KCNMA1: variants seen among roughly 807,000 people sequenced by gnomAD.
KCNMA1 encodes the protein Calcium-activated potassium channel subunit alpha-1.
KCNMA1 carries 29 observed loss-of-function variants against 140.0 expected under a neutral mutation model. The ratio of observed to expected loss-of-function variants is 0.21; its 90% CI spans 0.15 to 0.28. The LOEUF is 0.28. Among genes scored for constraint, KCNMA1 ranks in the 10% least tolerant of loss-of-function variants. The pLI, the probability that KCNMA1 is intolerant of heterozygous loss-of-function variation, is 1.00. For synonymous variants in KCNMA1, 612 were observed against 611.9 expected, an observed-to-expected ratio of 1.00 and a Z score of 0.00; for missense variants, 880 against 1,602.2, an observed-to-expected ratio of 0.55 and a Z score of 7.70.
At chr10:77,000,405 T>C (rs1455474500) in intron 19 of KCNMA1, among the ~76,000 whole-genome samples, 1 of 152,190 alleles carries the variant, frequency 6.6e-6, no homozygotes, top group Non-Finnish European at 1.5e-5. Flanking sequence ...ACTTCACTTA[T>C]GAACCGTATC....
chr10:77,566,962 GGAA>G (rs2068559350), intron 1 of KCNMA1, among the ~76,000 whole-genome samples: 2 of 151,940 alleles, frequency 1.3e-5, no homozygotes, highest in South Asian at 2.1e-4. Context: ...AGAAAAGGAG[GGAA>G]GAAGTTTTTG....
chr10:76,989,273 G>A (rs1359610845), intron 19 of KCNMA1, among the ~76,000 whole-genome samples: 2 of 152,158 alleles, frequency 1.3e-5, no homozygotes, highest in Admixed American at 1.3e-4. Context: ...CTCTTTCGGT[G>A]TGTCCCTGTG....
intron 1 of KCNMA1, among the ~76,000 whole-genome samples, chr10:77,594,295 C>T (rs1488369795): frequency 6.6e-6 from 1 of 152,180 alleles, no homozygotes; most frequent in Non-Finnish European, 1.5e-5. Flanking sequence ...AACTTCCTTT[C>T]TTGCCACACT....
chr10:77,487,542 C>G (rs563407142), intron 1 of KCNMA1, among the ~76,000 whole-genome samples: 1 of 152,216 alleles, frequency 6.6e-6, no homozygotes, highest in Non-Finnish European at 1.5e-5. Context: ...CTTACCACAC[C>G]CCCATTGCAC....
At chr10:77,012,393 C>G (rs1483395458) in intron 17 of KCNMA1, 1 of 1,534,348 alleles carries the variant, frequency 6.5e-7, no homozygotes, top group African/African-American at 1.4e-5. Flanking sequence ...GAGCCCTGGG[C>G]CCTTGGTGGG....
chr10:77,006,602 G>A (rs2088764461), intron 18 of KCNMA1, among the ~76,000 whole-genome samples: 1 of 152,198 alleles, frequency 6.6e-6, no homozygotes, highest in Non-Finnish European at 1.5e-5. Context: ...GGTCTTCCAG[G>A]TGGTTTTCCA....
rs376809211 is a variant in KCNMA1 at position 77,528,608 on chromosome 10, CA to C, written c.378+108656del. The stretch of plus-strand genomic sequence containing the variant: ...TGGGTGACAGAGTGAGAGCCCATCT[CA>C]AAAAAAAAAAAAAAGAAAAGAAAAG... On this transcript the variant is annotated intron_variant, in intron 1 of 27. Transcript: ENST00000286628. Among the ~76,000 whole-genome samples, 312 of 91,936 alleles carry C rather than the reference CA, an allele frequency of 3.4e-3. 1 individual carries two copies. The highest frequency in any genetic ancestry group is 6.6e-3 in the Middle Eastern group (1 of 152). The allele number at this position is 91,936 out of a possible 152,430, so 60.3% of individuals were successfully genotyped here. A position where few individuals can be genotyped will look rare whatever the true frequency, so the allele number is the denominator to read the frequency against.
intron 15 of KCNMA1, among the ~76,000 whole-genome samples, chr10:77,029,239 T>C (rs1023514717): frequency 1.3e-5 from 2 of 152,230 alleles, no homozygotes; most frequent in African/African-American, 4.8e-5. Context: ...TTTTGAATAA[T>C]AGAATATTGA....
intron 1 of KCNMA1, among the ~76,000 whole-genome samples, chr10:77,623,467 A>T (rs536295809): frequency 1.3e-5 from 2 of 152,174 alleles, no homozygotes; most frequent in South Asian, 4.2e-4. Context: ...AGGCCGAGGC[A>T]GGTGGAGTAC....
rs1394150277 is a variant in KCNMA1 at position 77,215,446 on chromosome 10, T to G, written c.603-30530A>C. Reference sequence around the variant, plus strand: ...TGCCTGTCTCCTCCTCTAGACTGTGTTCCCTGATTACATTTATTGTTTTAC... The same window carrying G: ...TGCCTGTCTCCTCCTCTAGACTGTGGTCCCTGATTACATTTATTGTTTTAC... On this transcript the variant is annotated intron_variant, in intron 3 of 27. Coordinates refer to ENST00000286628, the MANE Select transcript of KCNMA1 (RefSeq NM_001161352.2). Among the ~76,000 whole-genome samples the G allele has an allele frequency of 4.0e-5, 6 of 151,602 alleles. No homozygotes were observed. The East Asian group carries it at 1.2e-3, about 29-fold the overall frequency.
chr10:76,964,689 C>CT (rs755722089), intron 20 of KCNMA1, among the ~76,000 whole-genome samples: 1 of 152,162 alleles, frequency 6.6e-6, no homozygotes, highest in African/African-American at 2.4e-5. Context: ...TTACTAAAAT[C>CT]TTTCATGCTA....
At chr10:77,377,202 C>A (rs1387717186) in intron 2 of KCNMA1, among the ~76,000 whole-genome samples, 1 of 152,148 alleles carries the variant, frequency 6.6e-6, no homozygotes, top group African/African-American at 2.4e-5. Flanking sequence ...TGCTTCTGTG[C>A]CAGAACCTGC....
intron 23 of KCNMA1, among the ~76,000 whole-genome samples, chr10:76,932,539 T>C (rs1031650462): frequency 4.6e-5 from 7 of 152,202 alleles, no homozygotes; most frequent in Non-Finnish European, 8.8e-5. Context: ...CCTTTGATGT[T>C]TAATAACCTT....
intron 1 of KCNMA1, among the ~76,000 whole-genome samples, chr10:77,445,391 CACACAT>C (rs1186599639): frequency 1.4e-5 from 2 of 143,034 alleles, no homozygotes; most frequent in Non-Finnish European, 2.9e-5. Context: ...CACACACACA[CACACAT>C]ATGAAAAATA....
chr10:77,574,304 T>C (rs1411319645), intron 1 of KCNMA1, among the ~76,000 whole-genome samples: 1 of 152,010 alleles, frequency 6.6e-6, no homozygotes, highest in Non-Finnish European at 1.5e-5. Context: ...TATCCACATG[T>C]ATATATAACA....
intron 3 of KCNMA1, among the ~76,000 whole-genome samples, chr10:77,198,250 A>G (rs1164003753): frequency 2.6e-5 from 4 of 152,114 alleles, no homozygotes; most frequent in Admixed American, 2.0e-4. Context: ...AAGTGCCAAC[A>G]TCCTTAACAC....
intron 1 of KCNMA1, among the ~76,000 whole-genome samples, chr10:77,488,711 C>T (rs2098492856): frequency 6.6e-6 from 1 of 152,134 alleles, no homozygotes; most frequent in African/African-American, 2.4e-5. Context: ...CACCTCAGCC[C>T]TGGAAGGTAC....
At chr10:77,544,274 C>A (rs1366416314) in intron 1 of KCNMA1, among the ~76,000 whole-genome samples, 1 of 150,670 alleles carries the variant, frequency 6.6e-6, no homozygotes, top group Non-Finnish European at 1.5e-5. Flanking sequence ...TTTTAAATTT[C>A]TTCTCTGAAC....
At chr10:77,024,665 C>T (rs1349601755) in intron 16 of KCNMA1, among the ~76,000 whole-genome samples, 2 of 151,862 alleles carry the variant, frequency 1.3e-5, no homozygotes, top group Non-Finnish European at 2.9e-5. Context: ...TGAGAAACTT[C>T]ATATTAAGAA....
Sources: gnomAD v4.1 joint callset for allele counts (sites outside exome capture counted in the v4.1 genomes callset) on GRCh38, gnomAD v4.1.1 for gene constraint, MANE v1.5 for transcripts, NCBI Gene and HGNC (gene_info 2026-07-23, HGNC 2026-07-21) for gene names.